The following PEBP4 variants were observed in gnomAD, a reference collection of about 807,000 sequenced individuals.
The protein encoded by PEBP4 is phosphatidylethanolamine-binding protein 4.
In PEBP4, 22 loss-of-function variants were observed where a neutral mutation model predicts 23.9. The ratio of observed to expected loss-of-function variants is 0.92; its 90% CI spans 0.66 to 1.31. The LOEUF is 1.31. Among genes scored for constraint, PEBP4 ranks in the 40% most tolerant of loss-of-function variants. The pLI is 0.00. For missense variants in PEBP4, 324 were observed against 281.7 expected, an observed-to-expected ratio of 1.15 and a Z score of -1.07; for synonymous variants, 112 against 99.3, an observed-to-expected ratio of 1.13 and a Z score of -0.76.
At chr8:22,847,779 T>A (rs1807468210) in intron 3 of PEBP4, among the ~76,000 whole-genome samples, 1 of 152,046 alleles carries the variant, frequency 6.6e-6, no homozygotes, top group South Asian at 2.1e-4. Flanking sequence ...TGGTCTGAGT[T>A]CTACGTGTCT....
chr8:22,817,703 T>G lies in PEBP4; in HGVS notation c.291A>C (p.Pro97=). ...TGGGTTCTGCTCTGCTAGGGGCATC[T>G]GGATCCACCATCACCAGGATATAGG... ...GATYILVMVD[P]DAPSRAEPRQ... The change falls in exon 4 of 7, where the codon CCA becomes CCC. Residue 97 remains proline, a synonymous_variant. Transcript: ENST00000256404. 1 of 1,614,254 alleles carries G rather than the reference T, an allele frequency of 6.2e-7. No individual in the cohort carries two copies. Among genetic ancestry groups the G allele is most frequent in the African/African-American group, 1.3e-5 (1 of 75,076 alleles).
In PEBP4 at chr8:22,863,670, C is replaced by T. The variant is rs181826877; in HGVS notation, c.259-45935G>A. 2.0e-5 allele frequency among the ~76,000 whole-genome samples: 3 copies of T among 152,238 alleles called. No individual in the cohort carries two copies. The East Asian group carries it at 5.8e-4, about 29-fold the overall frequency. On this transcript the variant is annotated intron_variant, in intron 3 of 6. Transcript: ENST00000256404. ...ACATTCATTCATAAGCTCAGACAGGCGCTGTGTGCGTCGTTGCTAGTTGCC... is the reference window on the plus strand; with the variant it reads ...ACATTCATTCATAAGCTCAGACAGGTGCTGTGTGCGTCGTTGCTAGTTGCC...
At chr8:22,806,127 C>T (rs1343994462) in intron 4 of PEBP4, among the ~76,000 whole-genome samples, 1 of 152,202 alleles carries the variant, frequency 6.6e-6, no homozygotes, top group African/African-American at 2.4e-5. Context: ...CATGCCAGAT[C>T]TTCCCCCTTC....
rs562699764 is a variant in PEBP4, at chr8:22,761,111, A to T, written c.358-33891T>A. Among the ~76,000 whole-genome samples the T allele has an allele frequency of 3.3e-5, 5 of 152,140 alleles. No homozygotes were observed. The East Asian group carries it at 7.8e-4, about 24-fold the overall frequency. ...GGCCCACAGGAGGTGGGACCCTGCCAGGCCCCAAAGCCTGGAGCCTCCCCA... is the reference window on the plus strand; with the variant it reads ...GGCCCACAGGAGGTGGGACCCTGCCTGGCCCCAAAGCCTGGAGCCTCCCCA... On this transcript the variant is annotated intron_variant, in intron 4 of 6. Coordinates refer to ENST00000256404, the MANE Select transcript of PEBP4 (RefSeq NM_144962.3).
At chr8:22,914,272 A>G (rs1173022528) in intron 3 of PEBP4, among the ~76,000 whole-genome samples, 2 of 152,004 alleles carry the variant, frequency 1.3e-5, no homozygotes, top group African/African-American at 4.8e-5. Context: ...ATCAACCACC[A>G]TAAGGCCTGG....
At chr8:22,753,719 G>C (rs537503553) in intron 4 of PEBP4, among the ~76,000 whole-genome samples, 5 of 152,312 alleles carry the variant, frequency 3.3e-5, no homozygotes, top group African/African-American at 1.2e-4. Context: ...TGGGAGCCAG[G>C]GTCTGGGGCT....
rs1415183573 is a variant in PEBP4, at chr8:22,749,319, T to C, written c.358-22099A>G. ...TTGGTGCTTCCTCCACGTGTCTCTG[T>C]AGACCTCTCTGCAGCTCTTCTTGTT... On this transcript the variant is annotated intron_variant, in intron 4 of 6. Coordinates refer to ENST00000256404, the MANE Select transcript of PEBP4 (RefSeq NM_144962.3). Among the ~76,000 whole-genome samples, 3 of 152,230 alleles carry C rather than the reference T, an allele frequency of 2.0e-5. No homozygotes were observed. The South Asian group carries it at 6.2e-4, about 31-fold the overall frequency.
intron 3 of PEBP4, among the ~76,000 whole-genome samples, chr8:22,857,620 C>T (rs1563239405): frequency 6.6e-6 from 1 of 152,158 alleles, no homozygotes; most frequent in Non-Finnish European, 1.5e-5. Flanking sequence ...TCTGAAGTCA[C>T]AGGAGAACCT....
intron 3 of PEBP4, among the ~76,000 whole-genome samples, chr8:22,834,144 C>T (rs764212055): frequency 1.3e-5 from 2 of 152,190 alleles, no homozygotes; most frequent in African/African-American, 2.4e-5. Flanking sequence ...AAACACAAGT[C>T]GCCCTGCGCT....
intron 4 of PEBP4, among the ~76,000 whole-genome samples, chr8:22,768,400 G>C (rs1486275283): frequency 6.6e-6 from 1 of 152,172 alleles, no homozygotes; most frequent in Non-Finnish European, 1.5e-5. Flanking sequence ...GTGTTGTGAA[G>C]CATTTATTGC....
At chr8:22,877,398 T>A (rs1808143750) in intron 3 of PEBP4, among the ~76,000 whole-genome samples, 1 of 152,204 alleles carries the variant, frequency 6.6e-6, no homozygotes, top group African/African-American at 2.4e-5. Context: ...TTGGGACTTT[T>A]GTGCCTTCAA....
intron 6 of PEBP4, among the ~76,000 whole-genome samples, chr8:22,719,871 G>A (rs895485410): frequency 1.3e-5 from 2 of 152,204 alleles, no homozygotes; most frequent in South Asian, 2.1e-4. Flanking sequence ...GGAGGACGTC[G>A]ATCAATGCAG....
intron 4 of PEBP4, among the ~76,000 whole-genome samples, chr8:22,731,188 A>G (rs1804722963): frequency 6.6e-6 from 1 of 152,112 alleles, no homozygotes; most frequent in Non-Finnish European, 1.5e-5. Context: ...TTTTTCGACA[A>G]AAGTTACACT....
intron 4 of PEBP4, among the ~76,000 whole-genome samples, chr8:22,802,340 T>C (rs879915682): frequency 2.0e-5 from 3 of 152,052 alleles, no homozygotes; most frequent in Non-Finnish European, 4.4e-5. Flanking sequence ...GCCAAGCCTG[T>C]CTCTCACCCG....
At chr8:22,784,066 A>T (rs138980107) in intron 4 of PEBP4, among the ~76,000 whole-genome samples, 1 of 152,284 alleles carries the variant, frequency 6.6e-6, no homozygotes, top group Non-Finnish European at 1.5e-5. Flanking sequence ...CTGGGCCTCA[A>T]TGTCCACATA....
rs544609687 is a variant in PEBP4 at position 22,919,541 on chromosome 8, T to C, written c.258+643A>G. ...CAGACCCATTTCCCACTTCTATGACTCTTCCCCAGGCTTTCCAGACCCCTA... is the reference window on the plus strand; with the variant it reads ...CAGACCCATTTCCCACTTCTATGACCCTTCCCCAGGCTTTCCAGACCCCTA... On this transcript the variant is annotated intron_variant, in intron 3 of 6. Coordinates refer to ENST00000256404, the MANE Select transcript of PEBP4 (RefSeq NM_144962.3). Among the ~76,000 whole-genome samples the C allele has an allele frequency of 6.6e-5, 10 of 152,318 alleles. No individual in the cohort carries two copies. The South Asian group carries it at 1.7e-3, about 25-fold the overall frequency.
intron 1 of PEBP4, among the ~76,000 whole-genome samples, chr8:22,938,936 T>C (rs140008761): frequency 8.7e-4 from 132 of 152,374 alleles, no homozygotes; most frequent in Non-Finnish European, 1.4e-3. Context: ...GGAACTATTC[T>C]GACCTTTGGT....
intron 5 of PEBP4, among the ~76,000 whole-genome samples, chr8:22,726,870 G>T (rs1055549854): frequency 2.0e-5 from 3 of 152,176 alleles, no homozygotes; most frequent in African/African-American, 7.2e-5. Flanking sequence ...GCTGGGGGAA[G>T]GATGGGGGTG....
upstream of PEBP4, among the ~76,000 whole-genome samples, chr8:22,931,923 T>C (rs1376509046): frequency 6.6e-6 from 1 of 152,248 alleles, no homozygotes; most frequent in African/African-American, 2.4e-5. Context: ...ACCTTTGTAC[T>C]ATTCACTTGC....
Sources: gnomAD v4.1 joint callset for allele counts (sites outside exome capture counted in the v4.1 genomes callset) on GRCh38, gnomAD v4.1.1 for gene constraint, MANE v1.5 for transcripts, NCBI Gene and HGNC (gene_info 2026-07-23, HGNC 2026-07-21) for gene names.